ZC3H12D: variants seen among roughly 807,000 people sequenced by gnomAD.
The protein encoded by ZC3H12D is zinc finger CCCH-type containing 12D.
Under a neutral mutation model 24.2 loss-of-function variants are expected in ZC3H12D, and 11 were observed. The ratio of observed to expected loss-of-function variants is 0.46; its 90% CI spans 0.29 to 0.75. The LOEUF is 0.75. Ranked by LOEUF, ZC3H12D falls within the 30% of genes least tolerant of loss-of-function variation. ZC3H12D has a pLI of 0.11. For missense variants in ZC3H12D, 740 were observed against 767.7 expected (o/e 0.96, Z 0.43); for synonymous variants, 333 against 341.8 (o/e 0.97, Z 0.28).
chr6:149,474,128 T>C, intron 2 of ZC3H12D, 111 bp downstream of exon 2: 1 of 934,546 alleles, frequency 1.1e-6, no homozygotes, highest in South Asian at 3.7e-5. Flanking sequence ...CAAAGCCTGA[T>C]CCGTTGGCCC....
intron 2 of ZC3H12D, among the ~76,000 whole-genome samples, chr6:149,471,102 G>A (rs1332022071): frequency 2.0e-5 from 3 of 152,220 alleles, no homozygotes; most frequent in Non-Finnish European, 4.4e-5. Flanking sequence ...ACAAAATGAG[G>A]AATGATGCCA....
At chr6:149,476,505 CAA>C (rs11316803) in intron 1 of ZC3H12D, among the ~76,000 whole-genome samples, 5 of 149,096 alleles carry the variant, frequency 3.4e-5, no homozygotes, top group Non-Finnish European at 6.0e-5. Flanking sequence ...CTCCATCTCT[CAA>C]AAAAAAAAAT....
At chr6:149,464,255 G>A (rs911617424) in intron 2 of ZC3H12D, among the ~76,000 whole-genome samples, 20 of 152,304 alleles carry the variant, frequency 1.3e-4, no homozygotes, top group African/African-American at 4.1e-4. Context: ...CAGGGGAAAA[G>A]GGGTCACCAA....
At chr6:149,464,978 C>G (rs1467022809) in intron 2 of ZC3H12D, among the ~76,000 whole-genome samples, 1 of 152,230 alleles carries the variant, frequency 6.6e-6, no homozygotes, top group African/African-American at 2.4e-5. Context: ...ACAAGGATGA[C>G]ATTTTGAATT....
At chr6:149,467,538 G>A (rs555481590) in intron 2 of ZC3H12D, among the ~76,000 whole-genome samples, 1 of 152,236 alleles carries the variant, frequency 6.6e-6, no homozygotes, top group African/African-American at 2.4e-5. Flanking sequence ...ACAGGCATGA[G>A]CCACTGCGCC....
intron 2 of ZC3H12D, among the ~76,000 whole-genome samples, chr6:149,464,268 G>C (rs746734995): frequency 6.6e-6 from 1 of 152,192 alleles, no homozygotes; most frequent in South Asian, 2.1e-4. Flanking sequence ...GTCACCAAAC[G>C]CTGCTCCAAG....
chr6:149,466,944 T>G (rs6932420), intron 2 of ZC3H12D, among the ~76,000 whole-genome samples: 2,469 of 150,176 alleles, frequency 0.016, 68 homozygotes, highest in African/African-American at 0.059. Context: ...AAAAGCTGTT[T>G]CTTAATTGCT....
intron 3 of ZC3H12D, among the ~76,000 whole-genome samples, chr6:149,461,118 G>A (rs403419): frequency 0.36 from 55,383 of 151,988 alleles, 10,625 homozygotes; most frequent in African/African-American, 0.46. Flanking sequence ...CGAGGTGGGC[G>A]GATCATGAAG....
chr6:149,456,628 G>GGGTGAAGACCCC lies in ZC3H12D; in HGVS notation c.680+37_680+38insGGGGTCTTCACC. On this transcript the variant is annotated intron_variant, in intron 4 of 5. Transcript: ENST00000409806. The surrounding 1 kb of genome is among the most constrained non-coding windows in gnomAD (Gnocchi z 4.3). ...TGCCTCGACCCCGGCCCCCCGCCCC[G>GGGTGAAGACCCC]CCGCCCCCCAGGGTGTCAGGACCCC... 1 of 787,346 alleles carries GGGTGAAGACCCC rather than the reference G, an allele frequency of 1.3e-6. No individual in the cohort carries two copies. Among genetic ancestry groups the GGGTGAAGACCCC allele is most frequent in the Non-Finnish European group, 2.0e-6 (1 of 491,394 alleles). The allele number at this position is 787,346 out of a possible 1,614,324, so 48.8% of individuals were successfully genotyped here.
intron 1 of ZC3H12D, among the ~76,000 whole-genome samples, chr6:149,480,317 T>TA (rs1776404620): frequency 6.6e-6 from 1 of 152,200 alleles, no homozygotes; most frequent in South Asian, 2.1e-4. Flanking sequence ...TATGCAGACA[T>TA]AAAAAACAAA....
chr6:149,452,388 A>G lies in ZC3H12D; in HGVS notation c.787+228T>C. ...GCTTTGCTGTGTGCATGACCCCTGC[A>G]TCCGACCCTGGCATGGGATCCTGGC... is the stretch of plus-strand genomic sequence containing the variant. On this transcript the variant is annotated intron_variant, in intron 5 of 5. Transcript: ENST00000409806. This position sits in a 1 kb window ranked among gnomAD's most constrained non-coding sequence, Gnocchi z 4.0. The G allele has an allele frequency of 2.1e-6, 1 of 479,806 alleles. No homozygotes were observed. The highest frequency in any genetic ancestry group is 3.6e-6 in the Non-Finnish European group (1 of 275,070). 29.7% of individuals were successfully genotyped at this position (479,806 alleles called of 1,614,324 possible). A position where few individuals can be genotyped will look rare whatever the true frequency, so the allele number is the denominator to read the frequency against.
chr6:149,481,995 TG>T (rs1266186071), intron 1 of ZC3H12D, among the ~76,000 whole-genome samples: 2 of 152,196 alleles, frequency 1.3e-5, no homozygotes. Context: ...ATGAAAACAC[TG>T]GGGGCTTTCG....
At chr6:149,464,847 C>T (rs866170632) in intron 2 of ZC3H12D, among the ~76,000 whole-genome samples, 29 of 152,096 alleles carry the variant, frequency 1.9e-4, no homozygotes, top group Middle Eastern at 6.8e-3. Context: ...GGCTGGAGCA[C>T]GAGGAATGAG....
At chr6:149,480,356 G>C (rs1462604180) in intron 1 of ZC3H12D, among the ~76,000 whole-genome samples, 1 of 152,222 alleles carries the variant, frequency 6.6e-6, no homozygotes, top group Non-Finnish European at 1.5e-5. Context: ...GATGGAGCTG[G>C]AGGCCATTAT....
At chr6:149,474,125 T>C (rs382720) in intron 2 of ZC3H12D, 114 bp downstream of exon 2, 350,834 of 900,088 alleles carry the variant, frequency 0.39, 71,036 homozygotes, top group African/African-American at 0.51. Context: ...ATTCAAAGCC[T>C]GATCCGTTGG....
At position 149,474,547 on chromosome 6, in the gene ZC3H12D, G is replaced by C; in HGVS notation, c.-4C>G. 2 of 1,492,334 alleles carry C rather than the reference G, an allele frequency of 1.3e-6. No individual in the cohort carries two copies. The highest frequency in any genetic ancestry group is 1.4e-5 in the South Asian group (1 of 74,052). The allele number at this position is 1,492,334 out of a possible 1,614,324, so 92.4% of individuals were successfully genotyped here. ...CCATCTTGCTGGGGTGCTCCATGCT[G>C]TGCCCAGCGGCCACTGGCGCAGGTC... On this transcript the variant is annotated 5_prime_UTR_variant, in exon 2 of 6. Transcript: ENST00000409806.
intron 2 of ZC3H12D, among the ~76,000 whole-genome samples, chr6:149,469,415 G>A (rs576105357): frequency 5.5e-4 from 83 of 151,852 alleles, no homozygotes; most frequent in African/African-American, 1.7e-3. Context: ...CCGAGATGGC[G>A]CCACTGCACT....
chr6:149,460,953 C>T (rs1776063518), intron 3 of ZC3H12D, among the ~76,000 whole-genome samples: 1 of 152,060 alleles, frequency 6.6e-6, no homozygotes, highest in Non-Finnish European at 1.5e-5. Context: ...TGCAATGAGC[C>T]ATAGTGAGAC....
chr6:149,479,002 C>T lies in ZC3H12D; in HGVS notation c.-70-4389G>A, dbSNP rs542019575. 2.1e-3 allele frequency among the ~76,000 whole-genome samples: 318 copies of T among 152,322 alleles called. 1 individual carries two copies. Among genetic ancestry groups the T allele is most frequent in the Non-Finnish European group, 2.9e-3 (195 of 68,034 alleles). On this transcript the variant is annotated intron_variant, in intron 1 of 5. Transcript: ENST00000409806. Reference sequence around the variant, plus strand: ...TGACACTGACCACCTCACTGCCTGCCCCTGGCCCACCTGACCCCTTCTCTA... The same window carrying T: ...TGACACTGACCACCTCACTGCCTGCTCCTGGCCCACCTGACCCCTTCTCTA...
Sources: allele counts gnomAD v4.1 joint callset (sites outside exome capture counted in the v4.1 genomes callset), GRCh38; gene constraint gnomAD v4.1.1; non-coding constraint Gnocchi (gnomAD v3.1); transcripts MANE v1.5; gene names NCBI Gene and HGNC (gene_info 2026-07-23, HGNC 2026-07-21).